The following SGMS1 variants were observed in gnomAD, a reference collection of about 807,000 sequenced individuals.
The protein encoded by SGMS1 is phosphatidylcholine:ceramide cholinephosphotransferase 1.
In SGMS1, 13 loss-of-function variants were observed where a neutral mutation model predicts 46.2. The ratio of observed to expected loss-of-function variants is 0.28; its 90% CI spans 0.18 to 0.45. The LOEUF is 0.45. SGMS1 is among the 20% of genes least tolerant of loss of function. The probability of loss-of-function intolerance (pLI) is 1.00; values close to 1 mark genes in which losing one functional copy is unlikely to be tolerated. For synonymous variants in SGMS1, 203 were observed against 187.8 expected (o/e 1.08, Z -0.66); for missense variants, 324 against 519.9 (o/e 0.62, Z 3.66).
chr10:50,610,139 ATT>A (rs1403819118), intron 1 of SGMS1, among the ~76,000 whole-genome samples: 1 of 152,180 alleles, frequency 6.6e-6, no homozygotes, highest in East Asian at 1.9e-4. Context: ...CAGCGGTATC[ATT>A]TTGTTTCCCA....
intron 2 of SGMS1, among the ~76,000 whole-genome samples, chr10:50,573,639 T>A (rs1838354559): frequency 1.3e-5 from 2 of 152,014 alleles, no homozygotes; most frequent in Non-Finnish European, 2.9e-5. Flanking sequence ...CCAAAGAAAA[T>A]TTTTTACAGG....
At chr10:50,513,339 A>ACC (rs1359921157) in intron 3 of SGMS1, among the ~76,000 whole-genome samples, 3 of 152,192 alleles carry the variant, frequency 2.0e-5, no homozygotes, top group Non-Finnish European at 4.4e-5. Flanking sequence ...TGGAAAGGTC[A>ACC]CCAGACACTG....
chr10:50,366,656 A>G (rs1848350519), intron 6 of SGMS1, among the ~76,000 whole-genome samples: 1 of 152,218 alleles, frequency 6.6e-6, no homozygotes, highest in African/African-American at 2.4e-5. Context: ...TTGCAGGGAC[A>G]TGGATAAAGC....
chr10:50,624,703 C>T (rs868755625), upstream of SGMS1: 46 of 985,434 alleles, frequency 4.7e-5, no homozygotes, highest in African/African-American at 7.8e-4. Context: ...TGGTGCAAGT[C>T]GCCTGAAGGA....
rs111899863 is a variant in SGMS1 at position 50,522,788 on chromosome 10, C to G, written c.-588-2867G>C. ...ATGGCTAAGGTATTCAGCAAGGTCT[C>G]TTCACCTTGGCTAGGCCAGAAACCC... On this transcript the variant is annotated intron_variant, in intron 2 of 10. Coordinates refer to ENST00000361781, the MANE Select transcript of SGMS1 (RefSeq NM_147156.4). Among the ~76,000 whole-genome samples, 532 of 152,226 alleles carry G rather than the reference C, an allele frequency of 3.5e-3. 1 individual carries two copies. Among genetic ancestry groups the G allele is most frequent in the African/African-American group, 0.011 (464 of 41,524 alleles).
intron 3 of SGMS1, among the ~76,000 whole-genome samples, chr10:50,475,633 C>T (rs918334119): frequency 6.4e-4 from 97 of 152,024 alleles, no homozygotes; most frequent in African/African-American, 2.2e-3. Flanking sequence ...CAATTTTGGA[C>T]GTGGGGCCTG....
upstream of SGMS1, chr10:50,624,032 C>A: frequency 1.0e-6 from 1 of 985,504 alleles, no homozygotes; most frequent in Non-Finnish European, 1.2e-6. Flanking sequence ...CGGGTGTTCA[C>A]TGCGGCCGGG....
intron 2 of SGMS1, among the ~76,000 whole-genome samples, chr10:50,527,676 G>A (rs1170335886): frequency 6.6e-6 from 1 of 152,104 alleles, no homozygotes; most frequent in Non-Finnish European, 1.5e-5. Flanking sequence ...GTGCTATCTT[G>A]ACACATAACA....
At chr10:50,504,815 T>C (rs1837693177) in intron 3 of SGMS1, among the ~76,000 whole-genome samples, 1 of 152,154 alleles carries the variant, frequency 6.6e-6, no homozygotes, top group African/African-American at 2.4e-5. Flanking sequence ...GATCCAAAAA[T>C]ATCTCTTAAC....
chr10:50,555,186 T>G (rs1447163643), intron 2 of SGMS1, among the ~76,000 whole-genome samples: 1 of 152,238 alleles, frequency 6.6e-6, no homozygotes, highest in African/African-American at 2.4e-5. Context: ...AAAATTATCT[T>G]GGAACAAAGT....
intron 7 of SGMS1, among the ~76,000 whole-genome samples, chr10:50,330,742 G>A (rs1241426922): frequency 1.3e-5 from 2 of 152,140 alleles, no homozygotes; most frequent in Admixed American, 6.5e-5. Context: ...CAATACACAA[G>A]GGAGAGCACA....
chr10:50,341,566 TA>T (rs1847821649), intron 7 of SGMS1: 1 of 393,664 alleles, frequency 2.5e-6, no homozygotes, highest in Non-Finnish European at 5.1e-6. Context: ...TGTAGTTGTA[TA>T]TATATATGAC....
chr10:50,537,868 C>T (rs562357607), intron 2 of SGMS1, among the ~76,000 whole-genome samples: 1 of 152,110 alleles, frequency 6.6e-6, no homozygotes, highest in African/African-American at 2.4e-5. Flanking sequence ...AAAAGCCATC[C>T]AAGAAGATGG....
At chr10:50,465,994 A>C (rs1433287075) in intron 4 of SGMS1, among the ~76,000 whole-genome samples, 2 of 152,210 alleles carry the variant, frequency 1.3e-5, no homozygotes, top group Non-Finnish European at 2.9e-5. Context: ...TGACTGCATC[A>C]AGAAAATAAA....
intron 1 of SGMS1, among the ~76,000 whole-genome samples, chr10:50,621,134 A>G (rs1838846052): frequency 6.6e-6 from 1 of 152,078 alleles, no homozygotes; most frequent in South Asian, 2.1e-4. Context: ...CCGAGATTGT[A>G]CCACTGCACT....
intron 3 of SGMS1, among the ~76,000 whole-genome samples, chr10:50,480,128 C>G (rs1837462843): frequency 1.3e-5 from 2 of 151,988 alleles, no homozygotes; most frequent in African/African-American, 4.8e-5. Context: ...CTATAGTATA[C>G]AGGAACATAA....
chr10:50,405,128 T>C (rs572418069), intron 6 of SGMS1, among the ~76,000 whole-genome samples: 1 of 152,342 alleles, frequency 6.6e-6, no homozygotes, highest in South Asian at 2.1e-4. Context: ...AACTATTTGA[T>C]ATCATTTGTA....
intron 2 of SGMS1, among the ~76,000 whole-genome samples, chr10:50,535,972 T>C (rs1435059632): frequency 6.6e-6 from 1 of 152,188 alleles, no homozygotes; most frequent in African/African-American, 2.4e-5. Context: ...TTCTTTACTA[T>C]ATTGATATCC....
At chr10:50,455,205 C>T (rs1006453294) in intron 5 of SGMS1, among the ~76,000 whole-genome samples, 8 of 152,170 alleles carry the variant, frequency 5.3e-5, no homozygotes, top group African/African-American at 1.9e-4. Flanking sequence ...GTCATTTACT[C>T]ACATCTTGTT....
Sources: allele counts gnomAD v4.1 joint callset (sites outside exome capture counted in the v4.1 genomes callset), GRCh38; gene constraint gnomAD v4.1.1; transcripts MANE v1.5; gene names NCBI Gene and HGNC (gene_info 2026-07-23, HGNC 2026-07-21).